The following ADAMTSL1 variants were observed in gnomAD, a reference collection of about 807,000 sequenced individuals.
The protein encoded by ADAMTSL1 is ADAMTS-like protein 1.
In ADAMTSL1, 126 loss-of-function variants were observed where a neutral mutation model predicts 201.8. That is an observed-to-expected ratio of 0.62 (90% CI 0.54 to 0.72). The LOEUF (loss-of-function observed/expected upper bound fraction) is 0.72, where lower values mean the gene tolerates loss of function less well. Ranked by LOEUF, ADAMTSL1 falls within the 30% of genes least tolerant of loss-of-function variation. ADAMTSL1 has a pLI of 0.00. For missense variants in ADAMTSL1, 2,679 were observed against 2,277.8 expected, an observed-to-expected ratio of 1.18 and a Z score of -3.59; for synonymous variants, 1,121 against 903.4, an observed-to-expected ratio of 1.24 and a Z score of -4.32.
chr9:18,568,486 T>C (rs553162193), intron 3 of ADAMTSL1, among the ~76,000 whole-genome samples: 10 of 152,326 alleles, frequency 6.6e-5, no homozygotes, highest in African/African-American at 1.9e-4. Context: ...ATTTTGAGGG[T>C]AAAACAACTG....
chr9:18,804,344 G>A (rs577199592), intron 20 of ADAMTSL1, among the ~76,000 whole-genome samples: 22 of 152,214 alleles, frequency 1.4e-4, no homozygotes, highest in African/African-American at 5.1e-4. Context: ...AAGGGTACAG[G>A]GTAAATAGAG....
chr9:18,886,203 T>TATATAC, intron 23 of ADAMTSL1, among the ~76,000 whole-genome samples: 1 of 126,434 alleles, frequency 7.9e-6, no homozygotes. Context: ...TATATATATA[T>TATATAC]ATATATATAC....
intron 23 of ADAMTSL1, among the ~76,000 whole-genome samples, chr9:18,869,978 T>A (rs530265173): frequency 6.6e-6 from 1 of 152,304 alleles, no homozygotes; most frequent in South Asian, 2.1e-4. Context: ...ATAATTTATG[T>A]GGAACTTCAA....
At chr9:18,677,422 C>T (rs1354882807) in intron 10 of ADAMTSL1, among the ~76,000 whole-genome samples, 1 of 151,864 alleles carries the variant, frequency 6.6e-6, no homozygotes, top group Non-Finnish European at 1.5e-5. Context: ...TTTAACTGAA[C>T]TAAGATTTCA....
chr9:17,991,998 A>G (rs901140245), intron 1 of ADAMTSL1, among the ~76,000 whole-genome samples: 2 of 151,934 alleles, frequency 1.3e-5, no homozygotes, highest in Non-Finnish European at 2.9e-5. Flanking sequence ...TACCTCTTTC[A>G]TACCTAGAGA....
At chr9:17,915,855 A>G (rs1327232470) in intron 1 of ADAMTSL1, among the ~76,000 whole-genome samples, 3 of 152,126 alleles carry the variant, frequency 2.0e-5, no homozygotes, top group Non-Finnish European at 4.4e-5. Context: ...TAAAATTTCT[A>G]TTCAAATATT....
intron 4 of ADAMTSL1, among the ~76,000 whole-genome samples, chr9:18,617,597 C>G (rs1168650184): frequency 6.6e-6 from 1 of 151,956 alleles, no homozygotes; most frequent in Non-Finnish European, 1.5e-5. Flanking sequence ...AGTGTGCTTG[C>G]TCAACTCAAA....
chr9:18,488,325 A>C (rs910451640), intron 1 of ADAMTSL1, among the ~76,000 whole-genome samples: 33 of 152,290 alleles, frequency 2.2e-4, no homozygotes, highest in African/African-American at 7.9e-4. Context: ...TCTGGAAGCA[A>C]GTGTACCATA....
chr9:18,033,563 G>A (rs1821066089), intron 1 of ADAMTSL1, among the ~76,000 whole-genome samples: 1 of 152,176 alleles, frequency 6.6e-6, no homozygotes, highest in African/African-American at 2.4e-5. Context: ...CTTCTAACCA[G>A]CCTGTTTCCC....
At chr9:18,033,526 A>C (rs1821064256) in intron 1 of ADAMTSL1, among the ~76,000 whole-genome samples, 2 of 152,210 alleles carry the variant, frequency 1.3e-5, no homozygotes. Flanking sequence ...TCATCTAAAA[A>C]ACTGAAAAAA....
At chr9:17,917,265 T>TA (rs1274513076) in intron 1 of ADAMTSL1, among the ~76,000 whole-genome samples, 1 of 152,106 alleles carries the variant, frequency 6.6e-6, no homozygotes, top group Non-Finnish European at 1.5e-5. Context: ...ATTATGACAC[T>TA]ACCTTCGAAC....
Position 18,910,387 on chromosome 9 carries a change from AT to A in ADAMTSL1, c.*1841del, listed in dbSNP as rs1830537822. On this transcript the variant is annotated 3_prime_UTR_variant, in exon 29 of 29. Transcript: ENST00000380548. Reference sequence around the variant, plus strand: ...TACATTGTCATCCAGAAACAAAACTATTGGGGGGACTTTATTAACTAACTTC... The same window carrying A: ...TACATTGTCATCCAGAAACAAAACTATGGGGGGACTTTATTAACTAACTTC... 6.6e-6 allele frequency: 1 copy of A among 152,100 alleles called. No homozygotes were observed. The highest frequency in any genetic ancestry group is 6.5e-5 in the Admixed American group (1 of 15,274). 9.4% of individuals were successfully genotyped at this position (152,100 alleles called of 1,614,324 possible).
chr9:17,982,632 A>C (rs1032724557), intron 1 of ADAMTSL1, among the ~76,000 whole-genome samples: 4 of 152,132 alleles, frequency 2.6e-5, no homozygotes, highest in Non-Finnish European at 2.9e-5. Flanking sequence ...AAATAAATAA[A>C]TAAATAAAAA....
intron 2 of ADAMTSL1, among the ~76,000 whole-genome samples, chr9:18,220,384 C>A (rs1194567263): frequency 1.3e-5 from 2 of 152,016 alleles, no homozygotes; most frequent in Non-Finnish European, 2.9e-5. Flanking sequence ...CCTCATTTTT[C>A]TTGAAAATTA....
chr9:18,690,402 T>C (rs1831140170), intron 13 of ADAMTSL1, among the ~76,000 whole-genome samples: 2 of 152,162 alleles, frequency 1.3e-5, no homozygotes, highest in South Asian at 2.1e-4. Context: ...CCTCAAAATG[T>C]AGTGAACCAA....
intron 5 of ADAMTSL1, among the ~76,000 whole-genome samples, chr9:18,626,898 CCTTT>C (rs1306553798): frequency 1.4e-3 from 177 of 125,786 alleles, no homozygotes; most frequent in African/African-American, 4.4e-3. Flanking sequence ...TTCCTTCCTT[CCTTT>C]CTTTCTTTTC....
At chr9:18,620,659 C>A (rs1043567110) in intron 4 of ADAMTSL1, among the ~76,000 whole-genome samples, 5 of 152,156 alleles carry the variant, frequency 3.3e-5, no homozygotes, top group African/African-American at 1.2e-4. Flanking sequence ...AATTCGGTTG[C>A]TTTCTGAAGT....
intron 4 of ADAMTSL1, among the ~76,000 whole-genome samples, chr9:18,615,178 C>G (rs1272671798): frequency 6.6e-6 from 1 of 152,174 alleles, no homozygotes; most frequent in Admixed American, 6.5e-5. Flanking sequence ...ACTGGAGATT[C>G]TATTTTCTCA....
At chr9:18,848,605 G>T (rs1165510294) in intron 23 of ADAMTSL1, among the ~76,000 whole-genome samples, 3 of 152,150 alleles carry the variant, frequency 2.0e-5, no homozygotes, top group Admixed American at 6.5e-5. Context: ...TCAAGGCACA[G>T]ATCAGGCCCT....
Sources: allele counts gnomAD v4.1 joint callset (sites outside exome capture counted in the v4.1 genomes callset), GRCh38; gene constraint gnomAD v4.1.1; transcripts MANE v1.5; gene names NCBI Gene and HGNC (gene_info 2026-07-23, HGNC 2026-07-21).